SMYD2: variants seen among roughly 807,000 people sequenced by gnomAD.
SMYD2 encodes N-lysine methyltransferase SMYD2.
SMYD2 carries 53 observed loss-of-function variants against 59.1 expected under a neutral mutation model. The ratio of observed to expected loss-of-function variants is 0.90; its 90% CI spans 0.72 to 1.13. The LOEUF is 1.13. Ranked by LOEUF, SMYD2 falls within the 50% of genes most tolerant of loss-of-function variation. SMYD2 has a pLI of 0.00. For missense variants in SMYD2, 494 were observed against 544.7 expected (o/e 0.91, Z 0.93); for synonymous variants, 208 against 198.8 (o/e 1.05, Z -0.39).
intron 1 of SMYD2, among the ~76,000 whole-genome samples, chr1:214,290,323 C>T (rs947904048): frequency 6.6e-6 from 1 of 152,016 alleles, no homozygotes; most frequent in Admixed American, 6.6e-5. Context: ...TTAAAAATAG[C>T]GTGGAACTCC....
At chr1:214,287,447 C>T (rs1029820729) in intron 1 of SMYD2, among the ~76,000 whole-genome samples, 3 of 151,828 alleles carry the variant, frequency 2.0e-5, no homozygotes, top group Admixed American at 2.0e-4. Flanking sequence ...ATTAGCTGGG[C>T]ATAGTGGCGG....
At position 214,318,741 on chromosome 1, in the gene SMYD2, G is replaced by GT; in HGVS notation, c.410-114dup. 1 of 1,232,368 alleles carries GT rather than the reference G, an allele frequency of 8.1e-7. No homozygotes were observed. The highest frequency in any genetic ancestry group is 1.6e-5 in the African/African-American group (1 of 64,372). 76.3% of individuals were successfully genotyped at this position (1,232,368 alleles called of 1,614,324 possible). A position where few individuals can be genotyped will look rare whatever the true frequency, so the allele number is the denominator to read the frequency against. On this transcript the variant is annotated intron_variant, in intron 4 of 11. Coordinates refer to ENST00000366957, the MANE Select transcript of SMYD2 (RefSeq NM_020197.3). The surrounding 1 kb of genome is among the most constrained non-coding windows in gnomAD (Gnocchi z 5.4). Reference sequence around the variant, plus strand: ...TGTTCTCTGGGGGTTCAACATGTTAGTTTTGGGTTTTTTTTTTTTCGCCCG... The same window carrying GT: ...TGTTCTCTGGGGGTTCAACATGTTAGTTTTTGGGTTTTTTTTTTTTCGCCCG...
chr1:214,291,621 A>C (rs1435098697), intron 1 of SMYD2, among the ~76,000 whole-genome samples: 1 of 152,186 alleles, frequency 6.6e-6, no homozygotes, highest in African/African-American at 2.4e-5. Flanking sequence ...TTGACTAAAT[A>C]CATTTGTTAT....
At chr1:214,334,075 T>A in intron 10 of SMYD2, 125 bp from the exon 11 acceptor site, 1 of 742,688 alleles carries the variant, frequency 1.3e-6, no homozygotes, top group Non-Finnish European at 2.3e-6. Context: ...TGGTGGGATT[T>A]GGAGAGGCCG....
At chr1:214,302,934 G>T (rs1365424791) in intron 1 of SMYD2, among the ~76,000 whole-genome samples, 1 of 152,070 alleles carries the variant, frequency 6.6e-6, no homozygotes, top group Non-Finnish European at 1.5e-5. Flanking sequence ...GGGTCTTAAC[G>T]CTGGTGTCAG....
intron 2 of SMYD2, among the ~76,000 whole-genome samples, chr1:214,308,160 A>T (rs1656944253): frequency 6.6e-6 from 1 of 152,188 alleles, no homozygotes; most frequent in African/African-American, 2.4e-5. Context: ...GTATCTGGTG[A>T]CCAAAGTACC....
At chr1:214,291,585 G>A (rs1656636445) in intron 1 of SMYD2, among the ~76,000 whole-genome samples, 1 of 152,136 alleles carries the variant, frequency 6.6e-6, no homozygotes, top group South Asian at 2.1e-4. Context: ...CTCTCATTTT[G>A]AAGGCTCTTG....
chr1:214,290,559 G>A (rs2102454277), intron 1 of SMYD2, among the ~76,000 whole-genome samples: 1 of 152,302 alleles, frequency 6.6e-6, no homozygotes, highest in Admixed American at 6.5e-5. Flanking sequence ...TTGTGTCTTA[G>A]TGAGTGCACT....
chr1:214,317,392 A>G (rs569711398), intron 3 of SMYD2, among the ~76,000 whole-genome samples: 2 of 152,236 alleles, frequency 1.3e-5, no homozygotes, highest in Admixed American at 6.5e-5. Flanking sequence ...GAGGCTTAAC[A>G]TGTTAACTAG....
At chr1:214,282,596 C>T (rs1046620961) in intron 1 of SMYD2, among the ~76,000 whole-genome samples, 1 of 152,284 alleles carries the variant, frequency 6.6e-6, no homozygotes. Flanking sequence ...CATACTCAAT[C>T]TCTCAGACCT....
At chr1:214,304,285 A>G (rs1336077841) in intron 1 of SMYD2, among the ~76,000 whole-genome samples, 2 of 152,288 alleles carry the variant, frequency 1.3e-5, no homozygotes, top group African/African-American at 4.8e-5. Flanking sequence ...TGGTGGGGGC[A>G]CGGCGGCTCA....
At chr1:214,299,482 T>TATATATACACACATATATATATATAC (rs751839365) in intron 1 of SMYD2, among the ~76,000 whole-genome samples, 1 of 45,916 alleles carries the variant, frequency 2.2e-5, no homozygotes, top group African/African-American at 6.6e-5. Flanking sequence ...TATATATATA[T>TATATATACACACATATATATATATAC]ACACCATAGA....
intron 1 of SMYD2, among the ~76,000 whole-genome samples, chr1:214,290,258 C>T (rs765838101): frequency 4.6e-4 from 70 of 152,104 alleles, no homozygotes; most frequent in Non-Finnish European, 5.1e-4. Flanking sequence ...CTTTCTAGTC[C>T]GTACATTCGC....
In SMYD2 at chr1:214,336,703, G is replaced by A; in HGVS notation, c.1222-1G>A. 2 of 1,613,402 alleles carry A rather than the reference G, an allele frequency of 1.2e-6. No homozygotes were observed. The highest frequency in any genetic ancestry group is 1.7e-6 in the Non-Finnish European group (2 of 1,179,822). On this transcript the variant is annotated splice_acceptor_variant, in intron 11 of 11. Coordinates refer to ENST00000366957, the MANE Select transcript of SMYD2 (RefSeq NM_020197.3). LOFTEE classifies it high-confidence loss of function. ...TCATTGTTTGTCTTGCTTTTTCCTAGGCCATTGCAATCATGGAAGTAGCTC... is the reference window on the plus strand; with the variant it reads ...TCATTGTTTGTCTTGCTTTTTCCTAAGCCATTGCAATCATGGAAGTAGCTC...
Position 214,281,403 on chromosome 1 carries a change from A to G in SMYD2, c.149A>G (p.Asn50Ser). 6.9e-7 allele frequency: 1 copy of G among 1,459,166 alleles called. No individual in the cohort carries two copies. The highest frequency in any genetic ancestry group is 9.1e-7 in the Non-Finnish European group (1 of 1,100,644). The allele number at this position is 1,459,166 out of a possible 1,614,324, so 90.4% of individuals were successfully genotyped here. ...GTGCTCACGGTCAACGAGCGGGGCAACCACTGCGAGTACTGCTTCACCAGG... is the reference window on the plus strand; with the variant it reads ...GTGCTCACGGTCAACGAGCGGGGCAGCCACTGCGAGTACTGCTTCACCAGG... ...AYVLTVNERG[N>S]HCEYCFTRKE... The change falls in exon 1 of 12, where the codon AAC becomes AGC. Residue 50 changes from asparagine to serine, a missense_variant. Physicochemically the swap from Asn to Ser is conservative, Grantham distance 46. Coordinates refer to ENST00000366957, the MANE Select transcript of SMYD2 (RefSeq NM_020197.3).
chr1:214,313,547 A>G (rs560143481), intron 2 of SMYD2, among the ~76,000 whole-genome samples: 1 of 149,382 alleles, frequency 6.7e-6, no homozygotes, highest in South Asian at 2.1e-4. Context: ...ACTTTTCACT[A>G]CTCTAAGCTG....
At chr1:214,283,049 G>T (rs1357359324) in intron 1 of SMYD2, among the ~76,000 whole-genome samples, 1 of 152,156 alleles carries the variant, frequency 6.6e-6, no homozygotes, top group African/African-American at 2.4e-5. Flanking sequence ...CACATAGTAG[G>T]TGCTTACTTT....
At chr1:214,321,065 C>T (rs1657165217) in intron 5 of SMYD2, among the ~76,000 whole-genome samples, 1 of 152,128 alleles carries the variant, frequency 6.6e-6, no homozygotes, top group African/African-American at 2.4e-5. Context: ...TCCTCTAACA[C>T]AGTGATGCAT....
intron 1 of SMYD2, among the ~76,000 whole-genome samples, chr1:214,303,758 A>T (rs1039678452): frequency 6.6e-6 from 1 of 152,170 alleles, no homozygotes; most frequent in South Asian, 2.1e-4. Flanking sequence ...GACAATATGT[A>T]TATCCGTATT....
Sources: gnomAD v4.1 joint callset for allele counts (sites outside exome capture counted in the v4.1 genomes callset) on GRCh38, gnomAD v4.1.1 for gene constraint, Gnocchi (gnomAD v3.1) non-coding constraint, MANE v1.5 for transcripts, NCBI Gene and HGNC (gene_info 2026-07-23, HGNC 2026-07-21) for gene names.